The following SH3GL3 variants were observed in gnomAD, a reference collection of about 807,000 sequenced individuals.
The protein encoded by SH3GL3 is endophilin-A3.
Under a neutral mutation model 47.7 loss-of-function variants are expected in SH3GL3, and 33 were observed. That is an observed-to-expected ratio of 0.69 (90% CI 0.52 to 0.92). The LOEUF is 0.92. SH3GL3 is among the 40% of genes least tolerant of loss of function. SH3GL3 has a pLI of 0.00. For missense variants in SH3GL3, 363 were observed against 417.8 expected, an observed-to-expected ratio of 0.87 and a Z score of 1.14; for synonymous variants, 155 against 148.8, an observed-to-expected ratio of 1.04 and a Z score of -0.30.
At chr15:83,480,476 G>T (rs2041299078) in intron 1 of SH3GL3, among the ~76,000 whole-genome samples, 1 of 152,218 alleles carries the variant, frequency 6.6e-6, no homozygotes, top group African/African-American at 2.4e-5. Flanking sequence ...TCACACAGTT[G>T]TTACCTTGTG....
intron 1 of SH3GL3, among the ~76,000 whole-genome samples, chr15:83,476,784 A>ATAC (rs1282540833): frequency 6.6e-6 from 1 of 152,234 alleles, no homozygotes; most frequent in African/African-American, 2.4e-5. Flanking sequence ...AAAGCCTGAA[A>ATAC]TACTACTATG....
chr15:83,619,464 G>A (rs1036206676), downstream of SH3GL3, among the ~76,000 whole-genome samples: 6 of 152,036 alleles, frequency 3.9e-5, no homozygotes, highest in African/African-American at 1.2e-4. Flanking sequence ...AATGCGTGTC[G>A]GGCTTAATAC....
At chr15:83,569,015 G>C (rs2045692207) in intron 4 of SH3GL3, among the ~76,000 whole-genome samples, 1 of 150,896 alleles carries the variant, frequency 6.6e-6, no homozygotes, top group Non-Finnish European at 1.5e-5. Flanking sequence ...TCGTGCCTTA[G>C]CCTCCCGAGT....
At chr15:83,459,929 G>A (rs1265481770) in intron 1 of SH3GL3, among the ~76,000 whole-genome samples, 2 of 151,142 alleles carry the variant, frequency 1.3e-5, no homozygotes, top group African/African-American at 4.9e-5. Flanking sequence ...ATCAGTTCCT[G>A]TGGCTGTTTC....
chr15:83,613,620 AATCTATCTATCT>A (rs71453208), intron 8 of SH3GL3, among the ~76,000 whole-genome samples: 3,417 of 146,896 alleles, frequency 0.023, 48 homozygotes, highest in Non-Finnish European at 0.025. Flanking sequence ...GAAATATATA[AATCTATCTATCT>A]ATCTATCTAT....
intron 1 of SH3GL3, among the ~76,000 whole-genome samples, chr15:83,504,795 C>A (rs765940431): frequency 5.3e-5 from 8 of 152,238 alleles, no homozygotes; most frequent in South Asian, 2.1e-4. Flanking sequence ...TCAGAAACTG[C>A]GTGAGATAAC....
chr15:83,628,512 G>A, the SH3GL3 span, among the ~76,000 whole-genome samples: 6 of 152,192 alleles, frequency 3.9e-5, no homozygotes, highest in African/African-American at 7.2e-5. Flanking sequence ...GGAGGCCAAC[G>A]TAGGTGGATC....
chr15:83,616,221 C>T (rs1184582694), intron 8 of SH3GL3, among the ~76,000 whole-genome samples: 1 of 148,736 alleles, frequency 6.7e-6, no homozygotes, highest in Non-Finnish European at 1.5e-5. Flanking sequence ...CAGGTTTTGC[C>T]ACTAAAAGTA....
chr15:83,605,155 C>A (rs548631170), intron 8 of SH3GL3, among the ~76,000 whole-genome samples: 19 of 152,158 alleles, frequency 1.2e-4, no homozygotes, highest in Non-Finnish European at 2.5e-4. Context: ...GGCTCAGTGT[C>A]CCATATTCTC....
chr15:83,624,689 T>C, the SH3GL3 span, among the ~76,000 whole-genome samples: 1 of 152,282 alleles, frequency 6.6e-6, no homozygotes, highest in Middle Eastern at 3.4e-3. Flanking sequence ...GGTCTAGGAA[T>C]AAAATATCTG....
chr15:83,494,468 A>T (rs932351855), intron 1 of SH3GL3, among the ~76,000 whole-genome samples: 2 of 152,024 alleles, frequency 1.3e-5, no homozygotes, highest in African/African-American at 4.8e-5. Flanking sequence ...AGGACTCTTG[A>T]GGATCCTTTG....
chr15:83,565,340 A>C lies in SH3GL3; in HGVS notation c.187+134A>C, dbSNP rs911437391. On this transcript the variant is annotated intron_variant, in intron 3 of 8. Coordinates refer to ENST00000427482, the MANE Select transcript of SH3GL3 (RefSeq NM_003027.5). ...TAATGAAATTCAGTTTTTAAAGCTG[A>C]GTCTCCAGTGACCAAAGGTAGTTGC... 10 of 673,230 alleles carry C rather than the reference A, an allele frequency of 1.5e-5. 1 individual carries two copies. In the South Asian group the frequency reaches 1.7e-4, roughly 11 times the overall value. 41.7% of individuals were successfully genotyped at this position (673,230 alleles called of 1,614,324 possible). A position where few individuals can be genotyped will look rare whatever the true frequency, so the allele number is the denominator to read the frequency against.
intron 3 of SH3GL3, among the ~76,000 whole-genome samples, chr15:83,567,782 C>A (rs997202160): frequency 6.6e-6 from 1 of 152,094 alleles, no homozygotes; most frequent in African/African-American, 2.4e-5. Context: ...CTCGGCAATT[C>A]TATTTTTGTT....
intron 1 of SH3GL3, among the ~76,000 whole-genome samples, chr15:83,540,440 C>A (rs1000867482): frequency 6.6e-6 from 1 of 152,016 alleles, no homozygotes; most frequent in Non-Finnish European, 1.5e-5. Flanking sequence ...CTTTATACAT[C>A]GTGAGGCTGT....
chr15:83,619,351 G>A (rs957068982), downstream of SH3GL3, among the ~76,000 whole-genome samples: 2 of 152,144 alleles, frequency 1.3e-5, no homozygotes, highest in African/African-American at 4.8e-5. Context: ...GTTTCCCAGT[G>A]TATAGAAAAG....
intron 1 of SH3GL3, among the ~76,000 whole-genome samples, chr15:83,551,393 G>A (rs1022453676): frequency 6.6e-6 from 1 of 152,164 alleles, no homozygotes; most frequent in African/African-American, 2.4e-5. Context: ...GGTCAGGTGC[G>A]ATATTTGTGA....
Position 83,448,442 on chromosome 15 carries a change from A to ATG in SH3GL3, c.45+902_45+903dup, listed in dbSNP as rs71156081. Among the ~76,000 whole-genome samples, 21,998 of 140,524 alleles carry ATG rather than the reference A, an allele frequency of 0.16. 1,744 individuals are homozygous for ATG. Among genetic ancestry groups the ATG allele is most frequent in the East Asian group, 0.23 (1,056 of 4,646 alleles). The allele number at this position is 140,524 out of a possible 152,430, so 92.2% of individuals were successfully genotyped here. On this transcript the variant is annotated intron_variant, in intron 1 of 8. Transcript: ENST00000427482. The surrounding 1 kb of genome is among the most constrained non-coding windows in gnomAD (Gnocchi z 4.2). ...AAACAGGAGGGGAGACATGAAATTG[A>ATG]TGTGTGTGTGTGTGTGTGTGTGTGT...
At chr15:83,584,304 C>T (rs2059906957) in intron 6 of SH3GL3, among the ~76,000 whole-genome samples, 1 of 152,134 alleles carries the variant, frequency 6.6e-6, no homozygotes, top group South Asian at 2.1e-4. Context: ...CTTAAAGGAC[C>T]TCGTGATTAC....
chr15:83,577,437 G>C (rs1305193116), intron 6 of SH3GL3, among the ~76,000 whole-genome samples: 3 of 151,580 alleles, frequency 2.0e-5, no homozygotes, highest in Non-Finnish European at 4.4e-5. Flanking sequence ...GTCTCACTCT[G>C]TTGCCCAGGC....
Sources: gnomAD v4.1 joint callset for allele counts (sites outside exome capture counted in the v4.1 genomes callset) on GRCh38, gnomAD v4.1.1 for gene constraint, Gnocchi (gnomAD v3.1) non-coding constraint, MANE v1.5 for transcripts, NCBI Gene and HGNC (gene_info 2026-07-23, HGNC 2026-07-21) for gene names.